USP8: variants seen among roughly 807,000 people sequenced by gnomAD.
USP8 encodes ubiquitin specific peptidase 8, also known as ubiquitin carboxyl-terminal hydrolase 8.
A neutral mutation model predicts 130.0 loss-of-function variants in USP8; 27 were observed. The observed-to-expected ratio is 0.21, with a 90% CI of 0.15 to 0.29. The LOEUF is 0.29. Among genes scored for constraint, USP8 ranks in the 10% least tolerant of loss-of-function variants. The pLI is 1.00. For synonymous variants in USP8, 392 were observed against 444.1 expected (o/e 0.88, Z 1.48); for missense variants, 1,029 against 1,312.2 (o/e 0.78, Z 3.33).
Position 50,508,751 on chromosome 15 carries a change from A to G in USP8, c.*9663A>G, listed in dbSNP as rs1431402863. 1 of 152,134 alleles carries G rather than the reference A, an allele frequency of 6.6e-6. No homozygotes were observed. The highest frequency in any genetic ancestry group is 6.6e-5 in the Admixed American group (1 of 15,254). 9.4% of individuals were successfully genotyped at this position (152,134 alleles called of 1,614,324 possible). A position where few individuals can be genotyped will look rare whatever the true frequency, so the allele number is the denominator to read the frequency against. The stretch of plus-strand genomic sequence containing the variant: ...AGTGGTTCATGCCTATAATCCCTGC[A>G]CTTTGGGAGGCCAAGGCAGATGGAT... On this transcript the variant is annotated 3_prime_UTR_variant, in exon 20 of 20. Transcript: ENST00000307179.
intron 8 of USP8, among the ~76,000 whole-genome samples, chr15:50,475,972 C>A (rs147092588): frequency 1.3e-5 from 2 of 152,044 alleles, no homozygotes. Flanking sequence ...TTAAAATGTT[C>A]GTGTACCTTA....
chr15:50,440,331 A>G (rs1279698989), intron 2 of USP8, among the ~76,000 whole-genome samples: 2 of 152,228 alleles, frequency 1.3e-5, no homozygotes, highest in African/African-American at 4.8e-5. Flanking sequence ...AGGAAGTGGT[A>G]TATGTAAGTT....
chr15:50,500,493 G>A lies in USP8; in HGVS notation c.*1405G>A, dbSNP rs921808866. Reference sequence around the variant, plus strand: ...GTGAACCAAGACCCATCTTCTGGACGACAGATTTATCTTAAGATGAAAGGT... The same window carrying A: ...GTGAACCAAGACCCATCTTCTGGACAACAGATTTATCTTAAGATGAAAGGT... On this transcript the variant is annotated 3_prime_UTR_variant, in exon 20 of 20. Transcript: ENST00000307179. The A allele has an allele frequency of 1.2e-5, 4 of 323,072 alleles. No homozygotes were observed. Among genetic ancestry groups the A allele is most frequent in the Non-Finnish European group, 2.4e-5 (4 of 169,576 alleles). 20.0% of individuals were successfully genotyped at this position (323,072 alleles called of 1,614,324 possible). A position where few individuals can be genotyped will look rare whatever the true frequency, so the allele number is the denominator to read the frequency against.
Position 50,504,665 on chromosome 15 carries a change from G to GTT in USP8, c.*5577_*5578insTT, listed in dbSNP as rs1184287929. 1 of 152,122 alleles carries GTT rather than the reference G, an allele frequency of 6.6e-6. No homozygotes were observed. Among genetic ancestry groups the GTT allele is most frequent in the African/African-American group, 2.4e-5 (1 of 41,430 alleles). The allele number at this position is 152,122 out of a possible 1,614,324, so 9.4% of individuals were successfully genotyped here. On this transcript the variant is annotated 3_prime_UTR_variant, in exon 20 of 20. Coordinates refer to ENST00000307179, the MANE Select transcript of USP8 (RefSeq NM_005154.5). ...CAACTGTACTGGAAATTAACTTAAT[G>GTT]AAGATATTAGGACACAGAAAATGAA...
rs1399882138 is a variant in USP8 at position 50,497,182 on chromosome 15, A to AAGAT, written c.2993_2996dup (p.Glu999AspfsTer39). The AAGAT allele has an allele frequency of 1.9e-6, 3 of 1,611,334 alleles. No homozygotes were observed. Among genetic ancestry groups the AAGAT allele is most frequent in the East Asian group, 2.2e-5 (1 of 44,588 alleles). The stretch of plus-strand genomic sequence containing the variant: ...CAGAGCTCGACGGGATTCTCTAAAA[A>AAGAT]AGATAGAAATCTGGAAGTTACCACC... On this transcript the variant is annotated frameshift_variant, in exon 18 of 20. Transcript: ENST00000307179. LOFTEE classifies it high-confidence loss of function.
rs752531593 is a variant in USP8, at chr15:50,490,294, A to C, written c.2003A>C (p.Tyr668Ser). 6.2e-7 allele frequency: 1 copy of C among 1,609,972 alleles called. No homozygotes were observed. Among genetic ancestry groups the C allele is most frequent in the Non-Finnish European group, 8.5e-7 (1 of 1,178,892 alleles). Reference protein sequence around the residue: ...FLDPITGTFRYYHSPTNTVHM... With the variant: ...FLDPITGTFRSYHSPTNTVHM... ...GACCCAATCACTGGAACCTTTCGTT[A>C]TTATCATTCACCCACCAACACTGTT... is the stretch of plus-strand genomic sequence containing the variant. Residue 668 changes from tyrosine (Y) to serine (S), a missense_variant, in exon 14 of 20, where the codon TAT (tyrosine) becomes TCT (serine). Tyr to Ser is a moderately radical substitution (Grantham distance 144). Coordinates refer to ENST00000307179, the MANE Select transcript of USP8 (RefSeq NM_005154.5).
Position 50,439,510 on chromosome 15 carries a change from C to T in USP8, c.104+333C>T, listed in dbSNP as rs77699438. Among the ~76,000 whole-genome samples the T allele has an allele frequency of 3.1e-3, 466 of 152,072 alleles. 14 individuals carry two copies. In the East Asian group the frequency reaches 0.061, roughly 20 times the overall value. On this transcript the variant is annotated intron_variant, in intron 2 of 19. Coordinates refer to ENST00000307179, the MANE Select transcript of USP8 (RefSeq NM_005154.5). The stretch of plus-strand genomic sequence containing the variant: ...GATACAAAAATAATTCCTTTTTGGC[C>T]GGGTGCGGTGGCTCACGCTTGTAAT...
intron 3 of USP8, among the ~76,000 whole-genome samples, chr15:50,441,787 T>C (rs2050269652): frequency 6.6e-6 from 1 of 152,084 alleles, no homozygotes; most frequent in Admixed American, 6.6e-5. Flanking sequence ...AGTAGAAGGA[T>C]TGAGTTTGCT....
rs2052713682 is a variant in USP8, at chr15:50,509,668, AT to A, written c.*10581del. ...GTCTCAAAAAATAAAATAAAATAAAATAAAATAAAAAAGAGACAAGTCAACG... is the reference window on the plus strand; with the variant it reads ...GTCTCAAAAAATAAAATAAAATAAAAAAAATAAAAAAGAGACAAGTCAACG... On this transcript the variant is annotated 3_prime_UTR_variant, in exon 20 of 20. Coordinates refer to ENST00000307179, the MANE Select transcript of USP8 (RefSeq NM_005154.5). 1 of 152,190 alleles carries A rather than the reference AT, an allele frequency of 6.6e-6. No homozygotes were observed. The highest frequency in any genetic ancestry group is 2.4e-5 in the African/African-American group (1 of 41,452). The allele number at this position is 152,190 out of a possible 1,614,324, so 9.4% of individuals were successfully genotyped here. A position where few individuals can be genotyped will look rare whatever the true frequency, so the allele number is the denominator to read the frequency against.
chr15:50,433,164 G>A (rs1234190825), intron 1 of USP8, among the ~76,000 whole-genome samples: 1 of 152,006 alleles, frequency 6.6e-6, no homozygotes, highest in Non-Finnish European at 1.5e-5. Flanking sequence ...AATCTGGGAA[G>A]TGGAGGTTGC....
rs751186539 is a variant in USP8 at position 50,490,260 on chromosome 15, A to G, written c.1972-3A>G. On this transcript the variant is annotated splice_region_variant and splice_polypyrimidine_tract_variant and intron_variant, in intron 13 of 19. Transcript: ENST00000307179. ...CTGTTTTTTTTTTTCTTTTCCATCT[A>G]AGTTTCTTGACCCAATCACTGGAAC... 1.0e-5 allele frequency: 16 copies of G among 1,575,110 alleles called. No homozygotes were observed. Among genetic ancestry groups the G allele is most frequent in the Admixed American group, 1.9e-5 (1 of 51,560 alleles).
At chr15:50,480,399 T>G (rs2051722585) in intron 10 of USP8, among the ~76,000 whole-genome samples, 1 of 152,216 alleles carries the variant, frequency 6.6e-6, no homozygotes, top group African/African-American at 2.4e-5. Context: ...CTTTTAGAGC[T>G]TATATTCTAG....
chr15:50,462,230 A>G (rs1566860639), intron 5 of USP8, 50 bp from the exon 6 acceptor site: 5 of 1,540,704 alleles, frequency 3.2e-6, no homozygotes, highest in South Asian at 2.4e-5. Flanking sequence ...TTAAAGTTGA[A>G]TTTTTTGTGT....
rs1024552230 is a variant in USP8 at position 50,500,661 on chromosome 15, C to T, written c.*1573C>T. 1 of 1,095,636 alleles carries T rather than the reference C, an allele frequency of 9.1e-7. No homozygotes were observed. The highest frequency in any genetic ancestry group is 1.6e-5 in the African/African-American group (1 of 63,926). 67.9% of individuals were successfully genotyped at this position (1,095,636 alleles called of 1,614,324 possible). A position where few individuals can be genotyped will look rare whatever the true frequency, so the allele number is the denominator to read the frequency against. On this transcript the variant is annotated 3_prime_UTR_variant, in exon 20 of 20. Coordinates refer to ENST00000307179, the MANE Select transcript of USP8 (RefSeq NM_005154.5). ...AACACCATTTTCCTGGCTCTTAACG[C>T]TTTTGTATTGGTATGGAAAAGGGCT...
intron 19 of USP8, 59 bp from the exon 20 acceptor site, chr15:50,498,844 C>G: frequency 6.5e-7 from 1 of 1,550,078 alleles, no homozygotes. Flanking sequence ...AAACTATTGG[C>G]GTATTTTAAA....
intron 17 of USP8, among the ~76,000 whole-genome samples, chr15:50,496,309 A>G (rs1272034712): frequency 1.3e-5 from 2 of 151,948 alleles, no homozygotes; most frequent in East Asian, 1.9e-4. Flanking sequence ...GTGAAACCCC[A>G]TCTCTACTAA....
chr15:50,461,126 G>A (rs2050983974), intron 5 of USP8, among the ~76,000 whole-genome samples: 1 of 151,996 alleles, frequency 6.6e-6, no homozygotes, highest in Non-Finnish European at 1.5e-5. Flanking sequence ...CCAAGTAACT[G>A]GAATTATAGG....
intron 5 of USP8, among the ~76,000 whole-genome samples, chr15:50,461,025 T>G (rs1474471814): frequency 6.6e-6 from 1 of 151,420 alleles, no homozygotes; most frequent in East Asian, 2.0e-4. Context: ...GCAGTTTCGC[T>G]TTTGTTGCCC....
In USP8 at chr15:50,465,069, A is replaced by G. The variant is rs534878262; in HGVS notation, c.564A>G (p.Leu188=). The G allele has an allele frequency of 1.0e-4, 167 of 1,614,132 alleles. 2 individuals carry two copies. In the South Asian group the frequency reaches 1.7e-3, roughly 16 times the overall value. The change falls in exon 7 of 20, where the codon CTA becomes CTG. Residue 188 remains leucine (L), a synonymous_variant. Coordinates refer to ENST00000307179, the MANE Select transcript of USP8 (RefSeq NM_005154.5). ...KEKGAITAKE[L]YTMMTDKNIS... ...AAGGAGCAATCACAGCAAAGGAACT[A>G]TACACAATGATGACGGATAAAAACA...
Sources: gnomAD v4.1 joint callset for allele counts (sites outside exome capture counted in the v4.1 genomes callset) on GRCh38, gnomAD v4.1.1 for gene constraint, MANE v1.5 for transcripts, NCBI Gene and HGNC (gene_info 2026-07-23, HGNC 2026-07-21) for gene names.